TALDO1: variants seen among roughly 807,000 people sequenced by gnomAD.
TALDO1 encodes the protein transaldolase 1.
Under a neutral mutation model 38.1 loss-of-function variants are expected in TALDO1, and 29 were observed. The observed-to-expected ratio is 0.76, with a 90% confidence interval of 0.57 to 1.04. The LOEUF (loss-of-function observed/expected upper bound fraction) is 1.04. Among genes scored for constraint, TALDO1 ranks in the 50% least tolerant of loss-of-function variants. The pLI is 0.00. For missense variants in TALDO1, 499 were observed against 438.1 expected (o/e 1.14, Z -1.24); for synonymous variants, 207 against 176.8 (o/e 1.17, Z -1.36).
intron 1 of TALDO1, among the ~76,000 whole-genome samples, chr11:750,082 C>T (rs1334291702): frequency 6.6e-6 from 1 of 152,080 alleles, no homozygotes; most frequent in Admixed American, 6.6e-5. Flanking sequence ...TCCCCAGTTT[C>T]CCCCTGCACT....
intron 2 of TALDO1, 149 bp downstream of exon 2, chr11:756,151 G>A: frequency 8.2e-7 from 1 of 1,221,672 alleles, no homozygotes; most frequent in Non-Finnish European, 1.1e-6. Context: ...TTTGTTTATT[G>A]AAGTGTAATC....
Position 764,974 on chromosome 11 carries a change from G to T in TALDO1, c.*129G>T. ...ACAGATCATAGATTTCTGATTTTAT[G>T]TAAAATTTTGCCTAATACATTAAAG... On this transcript the variant is annotated 3_prime_UTR_variant, in exon 8 of 8. Coordinates refer to ENST00000319006, the MANE Select transcript of TALDO1 (RefSeq NM_006755.2). The T allele has an allele frequency of 7.4e-7, 1 of 1,355,566 alleles. No individual in the cohort carries two copies. The highest frequency in any genetic ancestry group is 2.4e-5 in the East Asian group (1 of 42,296). 84.0% of individuals were successfully genotyped at this position (1,355,566 alleles called of 1,614,324 possible).
chr11:761,356 A>G, intron 4 of TALDO1, among the ~76,000 whole-genome samples: 1 of 151,214 alleles, frequency 6.6e-6, no homozygotes, highest in East Asian at 1.9e-4. Context: ...AAAAAAAAGA[A>G]AAGAAAAACT....
chr11:753,629 CAGG>C (rs1169772470), intron 1 of TALDO1, among the ~76,000 whole-genome samples: 1 of 151,528 alleles, frequency 6.6e-6, no homozygotes, highest in Non-Finnish European at 1.5e-5. Flanking sequence ...GGGGCTGAGG[CAGG>C]AGAATTACTT....
At chr11:755,365 T>C (rs1486173678) in intron 1 of TALDO1, among the ~76,000 whole-genome samples, 2 of 151,990 alleles carry the variant, frequency 1.3e-5, no homozygotes, top group Admixed American at 6.6e-5. Flanking sequence ...AGGATGGTCT[T>C]GATCTCCTGA....
chr11:763,354 G>C lies in TALDO1; in HGVS notation c.472G>C (p.Glu158Gln). ...EGIQAGKELE[E>Q]QHGIHCNMTL... Reference sequence around the variant, plus strand: ...GTCCCCGCCCCGCAGGGAGCTCGAGGAGCAGCACGGCATCCACTGCAACAT... The same window carrying C: ...GTCCCCGCCCCGCAGGGAGCTCGAGCAGCAGCACGGCATCCACTGCAACAT... The change falls in exon 5 of 8, where the codon GAG (glutamate) becomes CAG (glutamine). Residue 158 changes from glutamate to glutamine, a missense_variant. Transcript: ENST00000319006. The C allele has an allele frequency of 6.3e-7, 1 of 1,586,816 alleles. No homozygotes were observed.
intron 5 of TALDO1, 62 bp from the exon 6 acceptor site, chr11:763,685 G>A: frequency 2.5e-6 from 4 of 1,590,158 alleles, no homozygotes; most frequent in South Asian, 1.1e-5. Flanking sequence ...CAGGCACTGG[G>A]AGGGCAGGTG....
Position 764,820 on chromosome 11 carries a change from T to C in TALDO1, c.989T>C (p.Met330Thr). 3 of 1,614,168 alleles carry C rather than the reference T, an allele frequency of 1.9e-6. No individual in the cohort carries two copies. The highest frequency in any genetic ancestry group is 2.5e-6 in the Non-Finnish European group (3 of 1,180,038). Reference sequence around the variant, plus strand: ...TGCTCTGTTTGTTTCTAGGAACGAATGTTCAATGCAGAGAATGGAAAGTAG... The same window carrying C: ...TGCTCTGTTTGTTTCTAGGAACGAACGTTCAATGCAGAGAATGGAAAGTAG... ...VKLERMLTER[M>T]FNAENGK Residue 330 changes from methionine (M) to threonine (T), a missense_variant, in exon 8 of 8, where the codon ATG (methionine) becomes ACG (threonine). Physicochemically the swap from Met to Thr is moderately conservative, Grantham distance 81. Coordinates refer to ENST00000319006, the MANE Select transcript of TALDO1 (RefSeq NM_006755.2).
intron 2 of TALDO1, among the ~76,000 whole-genome samples, chr11:757,096 T>C (rs1862850443): frequency 6.6e-6 from 1 of 152,162 alleles, no homozygotes; most frequent in African/African-American, 2.4e-5. Flanking sequence ...CCTGACCATG[T>C]TGTGACAGCC....
intron 7 of TALDO1, 105 bp from the exon 8 acceptor site, chr11:764,708 T>C (rs911988259): frequency 6.4e-7 from 1 of 1,571,252 alleles, no homozygotes; most frequent in African/African-American, 1.3e-5. Context: ...CCACACAGAG[T>C]GCAGACCCCA....
chr11:760,733 C>T (rs1862912833), intron 4 of TALDO1: 1 of 176,766 alleles, frequency 5.7e-6, no homozygotes, highest in Non-Finnish European at 1.2e-5. Context: ...CAAAGTGAAA[C>T]CTTGTCTCTA....
intron 1 of TALDO1, 71 bp downstream of exon 1, chr11:747,649 G>A (rs1862684049): frequency 7.3e-7 from 1 of 1,361,320 alleles, no homozygotes; most frequent in Admixed American, 2.2e-5. Flanking sequence ...ATTTCCCCGG[G>A]TCTCCCGTTC....
chr11:763,588 G>T (rs1443771608), intron 5 of TALDO1, 69 bp downstream of exon 5: 4 of 1,600,246 alleles, frequency 2.5e-6, no homozygotes, highest in African/African-American at 1.3e-5. Flanking sequence ...GGAAGAGCCC[G>T]AGACGGAGCT....
chr11:762,909 G>T (rs542659352), intron 4 of TALDO1, among the ~76,000 whole-genome samples: 11 of 152,364 alleles, frequency 7.2e-5, no homozygotes, highest in Non-Finnish European at 1.2e-4. Context: ...TGACTCAGTG[G>T]TTCTAGCCTG....
At chr11:759,802 G>A (rs1323646015) in intron 3 of TALDO1, among the ~76,000 whole-genome samples, 4 of 152,130 alleles carry the variant, frequency 2.6e-5, no homozygotes, top group African/African-American at 9.7e-5. Context: ...GGATGGTCTC[G>A]ATCCCTTGAC....
chr11:753,052 C>T (rs1234838845), intron 1 of TALDO1, among the ~76,000 whole-genome samples: 1 of 152,150 alleles, frequency 6.6e-6, no homozygotes, highest in African/African-American at 2.4e-5. Flanking sequence ...CACAGAAGTC[C>T]TCTCTGTTGA....
chr11:756,656 C>T (rs1028398570), intron 2 of TALDO1, among the ~76,000 whole-genome samples: 1 of 151,912 alleles, frequency 6.6e-6, no homozygotes, highest in Admixed American at 6.6e-5. Flanking sequence ...GCTGGGATTA[C>T]AGGCATGCGC....
Position 763,675 on chromosome 11 carries a change from C to T in TALDO1, c.638-72C>T, listed in dbSNP as rs564856268. ...TGGCGGCTCAAGGTAGTGCAGCCGG[C>T]AGGCACTGGGAGGGCAGGTGGGGTG... On this transcript the variant is annotated intron_variant, in intron 5 of 7. Transcript: ENST00000319006. 9 of 1,582,358 alleles carry T rather than the reference C, an allele frequency of 5.7e-6. No homozygotes were observed. In the East Asian group the frequency reaches 1.8e-4, roughly 31 times the overall value.
Position 760,102 on chromosome 11 carries a change from G to A in TALDO1, c.330-20G>A, listed in dbSNP as rs1447560103. On this transcript the variant is annotated intron_variant, in intron 3 of 7. Transcript: ENST00000319006. ...GCAACCTGCGTGATCTGAGGGGATG[G>A]GTTCTTCTTGCTCCTACAGGCTCTC... 2.5e-6 allele frequency: 4 copies of A among 1,613,494 alleles called. No individual in the cohort carries two copies. In the Admixed American group the frequency reaches 5.0e-5, roughly 20 times the overall value.
Sources: allele counts gnomAD v4.1 joint callset (sites outside exome capture counted in the v4.1 genomes callset), GRCh38; gene constraint gnomAD v4.1.1; transcripts MANE v1.5; gene names NCBI Gene and HGNC (gene_info 2026-07-23, HGNC 2026-07-21).